The following HIVEP3 variants were observed in gnomAD, a reference collection of about 807,000 sequenced individuals.
HIVEP3 encodes transcription factor HIVEP3.
HIVEP3 carries 49 observed loss-of-function variants against 152.8 expected under a neutral mutation model. The ratio of observed to expected loss-of-function variants is 0.32; its 90% CI spans 0.26 to 0.41. HIVEP3 has a LOEUF of 0.41. Ranked by LOEUF, HIVEP3 falls within the 10% of genes least tolerant of loss-of-function variation. The pLI, the probability that HIVEP3 is intolerant of heterozygous loss-of-function variation, is 1.00. For missense variants in HIVEP3, 2,790 were observed against 3,103.3 expected (o/e 0.90, Z 2.40); for synonymous variants, 1,269 against 1,289.0 (o/e 0.98, Z 0.33).
At chr1:41,854,680 C>T (rs1570673992) in intron 1 of HIVEP3, among the ~76,000 whole-genome samples, 2 of 86,228 alleles carry the variant, frequency 2.3e-5, no homozygotes, top group East Asian at 2.8e-4. Flanking sequence ...CCCCCTCCCC[C>T]GACCCCACCA....
At chr1:41,735,607 C>T (rs1014115597) in intron 1 of HIVEP3, among the ~76,000 whole-genome samples, 1 of 152,200 alleles carries the variant, frequency 6.6e-6, no homozygotes, top group Admixed American at 6.5e-5. Context: ...ACCACTCTGC[C>T]TTTCTCCCCT....
At chr1:41,577,463 C>T (rs1280140015) in intron 4 of HIVEP3, among the ~76,000 whole-genome samples, 1 of 152,132 alleles carries the variant, frequency 6.6e-6, no homozygotes, top group Non-Finnish European at 1.5e-5. Flanking sequence ...TGTTCTTAAT[C>T]ACTTTGTGAC....
rs1644472179 is a variant in HIVEP3 at position 41,584,459 on chromosome 1, G to A, written c.339C>T (p.Leu113=). Residue 113 remains leucine, a synonymous_variant, in exon 4 of 9, where the codon CTC becomes CTT. Coordinates refer to ENST00000372583, the MANE Select transcript of HIVEP3 (RefSeq NM_024503.5). The surrounding 1 kb of genome is among the most constrained non-coding windows in gnomAD (Gnocchi z 5.2). ...AFMSPGKPEH[L]LEGSTWQLVD... ...CCAGTTGCCATGTGGACCCCTCCAG[G>A]AGATGCTCAGGTTTGCCAGGCGACA... 2 of 1,614,166 alleles carry A rather than the reference G, an allele frequency of 1.2e-6. No individual in the cohort carries two copies. The highest frequency in any genetic ancestry group is 1.7e-6 in the Non-Finnish European group (2 of 1,180,022).
intron 1 of HIVEP3, among the ~76,000 whole-genome samples, chr1:41,749,081 G>A (rs1276138744): frequency 6.6e-6 from 1 of 152,216 alleles, no homozygotes; most frequent in Non-Finnish European, 1.5e-5. Flanking sequence ...GACAGAACAA[G>A]GGGTCTCTAT....
chr1:41,633,799 A>G (rs1032628979), intron 2 of HIVEP3, among the ~76,000 whole-genome samples: 8 of 152,020 alleles, frequency 5.3e-5, no homozygotes, highest in Non-Finnish European at 1.0e-4. Context: ...GCTTCAGAAA[A>G]CCCAACCTTG....
intron 2 of HIVEP3, among the ~76,000 whole-genome samples, chr1:41,665,707 T>TACACACACACACACAC (rs10530354): frequency 0.078 from 9,965 of 127,838 alleles, 745 homozygotes; most frequent in East Asian, 0.15. Flanking sequence ...GGAAATGTTA[T>TACACACACACACACAC]ACACACACAC....
intron 1 of HIVEP3, among the ~76,000 whole-genome samples, chr1:41,961,677 G>T (rs1645170446): frequency 6.6e-6 from 1 of 152,262 alleles, no homozygotes; most frequent in Admixed American, 6.5e-5. Flanking sequence ...GTGTGGGATT[G>T]CATTGTTGTT....
At chr1:41,724,960 T>C (rs1343853723) in intron 1 of HIVEP3, among the ~76,000 whole-genome samples, 1 of 152,146 alleles carries the variant, frequency 6.6e-6, no homozygotes, top group African/African-American at 2.4e-5. Context: ...AGTTTCACAA[T>C]GGTCTACTTA....
chr1:41,628,327 G>A (rs57966102), intron 3 of HIVEP3, among the ~76,000 whole-genome samples: 6,387 of 152,264 alleles, frequency 0.042, 178 homozygotes, highest in East Asian at 0.095. Context: ...GGTGGGCAGT[G>A]GTGGTCTTCA....
At position 41,643,906 on chromosome 1, in the gene HIVEP3, T is replaced by TTTTTTTTTTTTTTTTG. The variant is rs1553242264; in HGVS notation, c.-720-14960_-720-14959insCAAAAAAAAAAAAAAA. 1.5e-4 allele frequency among the ~76,000 whole-genome samples: 22 copies of TTTTTTTTTTTTTTTTG among 143,694 alleles called. 1 individual carries two copies. The highest frequency in any genetic ancestry group is 4.3e-4 in the East Asian group (2 of 4,668). 94.3% of individuals were successfully genotyped at this position (143,694 alleles called of 152,430 possible). ...TCCCATCCTCTTTTTTTTTTTTTTT[T>TTTTTTTTTTTTTTTTG]GACAGGGTCTGGCTCTGTTGCCTAG... On this transcript the variant is annotated intron_variant, in intron 2 of 8. Transcript: ENST00000372583.
At chr1:41,844,888 T>A (rs1485990138) in intron 1 of HIVEP3, among the ~76,000 whole-genome samples, 1 of 152,250 alleles carries the variant, frequency 6.6e-6, no homozygotes, top group Non-Finnish European at 1.5e-5. Context: ...CCTGGGCTTC[T>A]TTGGGTCCTG....
chr1:41,808,577 C>A (rs1449530882), intron 1 of HIVEP3, among the ~76,000 whole-genome samples: 1 of 152,194 alleles, frequency 6.6e-6, no homozygotes, highest in Non-Finnish European at 1.5e-5. Context: ...GCGGCCAGGC[C>A]ATAATTAAAT....
chr1:41,671,080 T>A (rs1331744698), intron 2 of HIVEP3, among the ~76,000 whole-genome samples: 2 of 152,186 alleles, frequency 1.3e-5, no homozygotes, highest in African/African-American at 4.8e-5. Flanking sequence ...CAAAGGCAGC[T>A]CCTGCGGGTG....
chr1:41,528,919 G>A (rs1458636719), intron 5 of HIVEP3, among the ~76,000 whole-genome samples: 33 of 36,050 alleles, frequency 9.2e-4, no homozygotes, highest in East Asian at 2.6e-3. Flanking sequence ...TCACACCTTC[G>A]CACACCCCCG....
At chr1:42,027,977 C>T (rs1167179059) in intron 1 of HIVEP3, among the ~76,000 whole-genome samples, 2 of 152,096 alleles carry the variant, frequency 1.3e-5, no homozygotes, top group Non-Finnish European at 2.9e-5. Context: ...ACAGCCAAAC[C>T]ATATCAGTAG....
intron 1 of HIVEP3, among the ~76,000 whole-genome samples, chr1:41,762,494 C>T (rs1446906729): frequency 2.6e-5 from 4 of 152,220 alleles, no homozygotes; most frequent in Non-Finnish European, 4.4e-5. Context: ...GAGCTGTTAG[C>T]ATGCTCTAAC....
chr1:41,633,440 A>C (rs1228475984), intron 2 of HIVEP3, among the ~76,000 whole-genome samples: 1 of 152,066 alleles, frequency 6.6e-6, no homozygotes, highest in Non-Finnish European at 1.5e-5. Flanking sequence ...AATCCCCCCC[A>C]AAAAGAGTGG....
At chr1:41,528,228 TCA>T (rs1307003520) in intron 5 of HIVEP3, among the ~76,000 whole-genome samples, 1 of 30,576 alleles carries the variant, frequency 3.3e-5, no homozygotes, top group South Asian at 1.1e-3. Flanking sequence ...CACTCCACCC[TCA>T]CACCCTCACA....
intron 1 of HIVEP3, among the ~76,000 whole-genome samples, chr1:41,980,804 CAT>C (rs1414686989): frequency 6.6e-6 from 1 of 152,192 alleles, no homozygotes; most frequent in East Asian, 1.9e-4. Flanking sequence ...CCCTAAACCA[CAT>C]GTCAGCGACA....
Sources: allele counts gnomAD v4.1 joint callset (sites outside exome capture counted in the v4.1 genomes callset), GRCh38; gene constraint gnomAD v4.1.1; non-coding constraint Gnocchi (gnomAD v3.1); transcripts MANE v1.5; gene names NCBI Gene and HGNC (gene_info 2026-07-23, HGNC 2026-07-21).